MAPK8IP3: variants seen among roughly 807,000 people sequenced by gnomAD.
The protein encoded by MAPK8IP3 is C-Jun-amino-terminal kinase-interacting protein 3.
A neutral mutation model predicts 157.8 loss-of-function variants in MAPK8IP3; 49 were observed. The observed-to-expected ratio is 0.31, with a 90% CI of 0.25 to 0.39. The LOEUF is 0.39. MAPK8IP3 is among the 10% of genes least tolerant of loss of function. The pLI, the probability that MAPK8IP3 is intolerant of heterozygous loss-of-function variation, is 1.00. For missense variants in MAPK8IP3, 1,478 were observed against 1,889.4 expected, an observed-to-expected ratio of 0.78 and a Z score of 4.04; for synonymous variants, 897 against 777.7, an observed-to-expected ratio of 1.15 and a Z score of -2.55.
chr16:1,754,999 T>C lies in MAPK8IP3; in HGVS notation c.1217-3149T>C, dbSNP rs137959650. ...AAATACCCACATGCTTGTTGGAGATTTTTCTGGAACTCTATGAATGGATCT... is the reference window on the plus strand; with the variant it reads ...AAATACCCACATGCTTGTTGGAGATCTTTCTGGAACTCTATGAATGGATCT... On this transcript the variant is annotated intron_variant, in intron 8 of 31. Coordinates refer to ENST00000610761, the MANE Select transcript of MAPK8IP3 (RefSeq NM_001318852.2). Among the ~76,000 whole-genome samples the C allele has an allele frequency of 5.5e-4, 84 of 152,314 alleles. 3 individuals carry two copies. The East Asian group carries it at 0.013, about 23-fold the overall frequency.
At position 1,751,191 on chromosome 16, in the gene MAPK8IP3, C is replaced by T. The variant is rs1476035768; in HGVS notation, c.1216+2471C>T. The stretch of plus-strand genomic sequence containing the variant: ...GAAACTGAGGCCGGGCACAGTGGCT[C>T]ATGCCCGTAATCCCAGCACTTTGGG... On this transcript the variant is annotated intron_variant, in intron 8 of 31. Coordinates refer to ENST00000610761, the MANE Select transcript of MAPK8IP3 (RefSeq NM_001318852.2). The surrounding 1 kb of genome is among the most constrained non-coding windows in gnomAD (Gnocchi z 5.0). 6.6e-6 allele frequency among the ~76,000 whole-genome samples: 1 copy of T among 152,040 alleles called. No individual in the cohort carries two copies. The highest frequency in any genetic ancestry group is 2.4e-5 in the African/African-American group (1 of 41,406).
Position 1,764,331 on chromosome 16 carries a change from G to C in MAPK8IP3, c.2152G>C (p.Gly718Arg). ...GTGTGCCGCGGGCGTCAACCTGAGC[G>C]GGTGGAGGCCCAATGAGGACGACGC... is the stretch of plus-strand genomic sequence containing the variant. Reference protein sequence around the residue: ...LWCAAGVNLSGWRPNEDDAGN... With the variant: ...LWCAAGVNLSRWRPNEDDAGN... Residue 718 changes from glycine (G) to arginine (R), a missense_variant, in exon 19 of 32, where the codon GGG becomes CGG. Physicochemically the swap from Gly to Arg is moderately radical, Grantham distance 125. This residue lies in a region of MAPK8IP3 where 669 missense variants were observed against 759.8 expected (regional missense o/e 0.88). Transcript: ENST00000610761. 1 of 1,576,722 alleles carries C rather than the reference G, an allele frequency of 6.3e-7. No individual in the cohort carries two copies. The highest frequency in any genetic ancestry group is 8.6e-7 in the Non-Finnish European group (1 of 1,162,376).
rs1330367542 is a variant in MAPK8IP3 at position 1,729,329 on chromosome 16, C to G, written c.510+121C>G. The G allele has an allele frequency of 1.9e-5, 25 of 1,326,096 alleles. No individual in the cohort carries two copies. In the Admixed American group the frequency reaches 4.8e-4, roughly 25 times the overall value. 82.1% of individuals were successfully genotyped at this position (1,326,096 alleles called of 1,614,324 possible). On this transcript the variant is annotated intron_variant, in intron 3 of 31. Transcript: ENST00000610761. ...ATGTCCCTTTTCTAGCATTTGCTGC[C>G]AGGCTTGAAGGCTGTCAGCCCCAGG...
At chr16:1,732,286 G>A (rs1288151087) in intron 4 of MAPK8IP3, among the ~76,000 whole-genome samples, 2 of 152,204 alleles carry the variant, frequency 1.3e-5, no homozygotes, top group Non-Finnish European at 2.9e-5. Context: ...CCAGGGCTGC[G>A]ATGGCAAAAG....
chr16:1,717,118 C>T (rs1348995303), intron 1 of MAPK8IP3, among the ~76,000 whole-genome samples: 1 of 151,396 alleles, frequency 6.6e-6, no homozygotes, highest in African/African-American at 2.4e-5. Context: ...ATCCTAGCTA[C>T]TCAGGAGACT....
At chr16:1,767,775 G>A in intron 27 of MAPK8IP3, 30 bp from the exon 28 acceptor site, 1 of 1,611,474 alleles carries the variant, frequency 6.2e-7, no homozygotes, top group Non-Finnish European at 8.5e-7. Context: ...GGTGCTCAAG[G>A]CCAGCCACCC....
intron 4 of MAPK8IP3, among the ~76,000 whole-genome samples, chr16:1,730,037 G>C (rs2039193380): frequency 1.1e-5 from 1 of 94,342 alleles, no homozygotes; most frequent in Non-Finnish European, 1.9e-5. Flanking sequence ...GCAAGATCTT[G>C]TCTCTACAAA....
chr16:1,768,879 C>T lies in MAPK8IP3; in HGVS notation c.*55C>T. 1 of 1,589,682 alleles carries T rather than the reference C, an allele frequency of 6.3e-7. No homozygotes were observed. The highest frequency in any genetic ancestry group is 2.2e-5 in the East Asian group (1 of 44,472). On this transcript the variant is annotated 3_prime_UTR_variant, in exon 32 of 32. Transcript: ENST00000610761. ...CATAGGACCCCCGACCACCTGACCC[C>T]CGCCCGGCCCGCGGGGTAGCCAGCC...
Position 1,742,871 on chromosome 16 carries a change from C to T in MAPK8IP3, c.603-461C>T, listed in dbSNP as rs2040760955. Among the ~76,000 whole-genome samples the T allele has an allele frequency of 1.3e-5, 2 of 152,040 alleles. No homozygotes were observed. ...GGCGCGGTGGCTCACGCCTGTAATCCCAGCACTGTGGGAGGCCGAGGCAGG... is the reference window on the plus strand; with the variant it reads ...GGCGCGGTGGCTCACGCCTGTAATCTCAGCACTGTGGGAGGCCGAGGCAGG... On this transcript the variant is annotated intron_variant, in intron 4 of 31. Transcript: ENST00000610761. The surrounding 1 kb of genome is among the most constrained non-coding windows in gnomAD (Gnocchi z 5.0).
At chr16:1,758,911 C>G in intron 9 of MAPK8IP3, 67 bp from the exon 10 acceptor site, 1 of 1,565,350 alleles carries the variant, frequency 6.4e-7, no homozygotes, top group Non-Finnish European at 8.8e-7. Context: ...CGCTTCTCTT[C>G]TCTCCCTTTC....
At chr16:1,767,120 C>T (rs1457861395) in intron 25 of MAPK8IP3, 29 bp from the exon 26 acceptor site, 11 of 1,611,360 alleles carry the variant, frequency 6.8e-6, no homozygotes, top group Non-Finnish European at 9.3e-6. Flanking sequence ...CCTGGCCAGG[C>T]CTGAGCAGGT....
intron 4 of MAPK8IP3, among the ~76,000 whole-genome samples, chr16:1,733,235 G>A (rs1004923220): frequency 5.3e-5 from 8 of 152,160 alleles, no homozygotes; most frequent in African/African-American, 1.4e-4. Flanking sequence ...GTCGGAGGGC[G>A]CCTGGGCAGG....
At chr16:1,748,196 G>A in intron 6 of MAPK8IP3, 48 bp from the exon 7 acceptor site, 1 of 1,445,238 alleles carries the variant, frequency 6.9e-7, no homozygotes, top group Non-Finnish European at 9.7e-7. Flanking sequence ...CAGGGCAGAG[G>A]CTGCCAGACC....
rs954308213 is a variant in MAPK8IP3 at position 1,743,968 on chromosome 16, C to T, written c.747+492C>T. ...GAAAGCTCCTCTTCTCTGGGCCCCT[C>T]CCTGCCTGTCCCTGGTAACGCCTCC... On this transcript the variant is annotated intron_variant, in intron 5 of 31. Transcript: ENST00000610761. The surrounding 1 kb of genome is among the most constrained non-coding windows in gnomAD (Gnocchi z 5.6). 1 of 1,000,032 alleles carries T rather than the reference C, an allele frequency of 1.0e-6. No individual in the cohort carries two copies. The highest frequency in any genetic ancestry group is 1.8e-5 in the African/African-American group (1 of 57,006). The allele number at this position is 1,000,032 out of a possible 1,614,324, so 61.9% of individuals were successfully genotyped here.
In MAPK8IP3 at chr16:1,768,246, A is replaced by G. The variant is rs1404552886; in HGVS notation, c.3610A>G (p.Ile1204Val). The change falls in exon 30 of 32, where the codon ATC becomes GTC. Residue 1204 changes from isoleucine to valine, a missense_variant. By Grantham distance (29) the Ile-to-Val change is conservative. Coordinates refer to ENST00000610761, the MANE Select transcript of MAPK8IP3 (RefSeq NM_001318852.2). ...TSGEGARPGG[I>V]IHVYGDDSSD... is the part of the protein sequence containing the mutation. ...TGGGGAGGGCGCCCGTCCCGGGGGC[A>G]TCATCCACGTGTATGGCGATGACAG... 1 of 1,612,420 alleles carries G rather than the reference A, an allele frequency of 6.2e-7. No homozygotes were observed. Among genetic ancestry groups the G allele is most frequent in the South Asian group, 1.1e-5 (1 of 91,086 alleles).
At chr16:1,720,247 G>T (rs1218357376) in intron 1 of MAPK8IP3, among the ~76,000 whole-genome samples, 2 of 152,196 alleles carry the variant, frequency 1.3e-5, no homozygotes, top group Non-Finnish European at 2.9e-5. Context: ...TGTTGGCCAG[G>T]CTGGTCTTGA....
chr16:1,737,306 ATC>A (rs1337952561), intron 4 of MAPK8IP3, among the ~76,000 whole-genome samples: 3 of 62,034 alleles, frequency 4.8e-5, no homozygotes, highest in Admixed American at 2.0e-4. Context: ...CCATGTGAGC[ATC>A]TGTGTGACCG....
At chr16:1,748,824 C>A in intron 8 of MAPK8IP3, 104 bp downstream of exon 8, 2 of 1,027,690 alleles carry the variant, frequency 1.9e-6, no homozygotes, top group Non-Finnish European at 3.1e-6. Flanking sequence ...CAGCTGTGAG[C>A]TAGGAACCTT....
chr16:1,768,052 T>TCCTCCCATGTC lies in MAPK8IP3; in HGVS notation c.3524-14_3524-4dup. Reference sequence around the variant, plus strand: ...TGACCGCTCTCCTCTTCTCCCATGCTCCTCCCATGTCCCCAGCTGTGGTCC... The same window carrying TCCTCCCATGTC: ...TGACCGCTCTCCTCTTCTCCCATGCTCCTCCCATGTCCCTCCCATGTCCCCAGCTGTGGTCC... On this transcript the variant is annotated splice_polypyrimidine_tract_variant and intron_variant, in intron 28 of 31. Coordinates refer to ENST00000610761, the MANE Select transcript of MAPK8IP3 (RefSeq NM_001318852.2). 1.2e-6 allele frequency: 2 copies of TCCTCCCATGTC among 1,612,144 alleles called. No individual in the cohort carries two copies. Among genetic ancestry groups the TCCTCCCATGTC allele is most frequent in the Middle Eastern group, 1.7e-4 (1 of 6,016 alleles).
Sources: gnomAD v4.1 joint callset for allele counts (sites outside exome capture counted in the v4.1 genomes callset) on GRCh38, gnomAD v4.1.1 for gene constraint, gnomAD v4.1.1 regional missense constraint, Gnocchi (gnomAD v3.1) non-coding constraint, MANE v1.5 for transcripts, NCBI Gene and HGNC (gene_info 2026-07-23, HGNC 2026-07-21) for gene names.